Variants in RBFOX1 observed in about 807,000 individuals in gnomAD.
The protein encoded by RBFOX1 is RNA binding protein fox-1 homolog 1.
A neutral mutation model predicts 57.7 loss-of-function variants in RBFOX1; 8 were observed. The observed-to-expected ratio is 0.14, with a 90% CI of 0.08 to 0.25. The LOEUF is 0.25. RBFOX1 is among the 10% of genes least tolerant of loss of function. RBFOX1 has a pLI of 1.00. For missense variants in RBFOX1, 611 were observed against 548.5 expected (o/e 1.11, Z -1.14); for synonymous variants, 326 against 222.4 (o/e 1.47, Z -4.15).
At chr16:5,864,673 G>A (rs767924629) in intron 3 of RBFOX1, among the ~76,000 whole-genome samples, 1 of 151,864 alleles carries the variant, frequency 6.6e-6, no homozygotes, top group Non-Finnish European at 1.5e-5. Flanking sequence ...CTGTATGATA[G>A]TTTATAATAT....
chr16:6,056,583 G>A (rs2095617322), intron 1 of RBFOX1, among the ~76,000 whole-genome samples: 1 of 152,076 alleles, frequency 6.6e-6, no homozygotes, highest in African/African-American at 2.4e-5. Flanking sequence ...TTTCTCCTCT[G>A]CTTACTTCCT....
chr16:5,372,316 C>T (rs1430339251), intron 1 of RBFOX1, among the ~76,000 whole-genome samples: 3 of 152,132 alleles, frequency 2.0e-5, no homozygotes, highest in African/African-American at 7.2e-5. Context: ...CAGTGAAACC[C>T]TCTTCAATAC....
intron 4 of RBFOX1, among the ~76,000 whole-genome samples, chr16:7,211,981 C>T (rs1158953769): frequency 6.6e-6 from 1 of 152,160 alleles, no homozygotes; most frequent in African/African-American, 2.4e-5. Context: ...CCTTCTCACT[C>T]CCATCAAGCC....
intron 4 of RBFOX1, among the ~76,000 whole-genome samples, chr16:7,412,376 G>A (rs911925365): frequency 1.4e-5 from 2 of 147,644 alleles, no homozygotes; most frequent in Non-Finnish European, 3.0e-5. Context: ...GATCGCACCA[G>A]TGCACTCCAG....
At chr16:6,769,677 C>T (rs1046768662) in intron 3 of RBFOX1, among the ~76,000 whole-genome samples, 5 of 152,196 alleles carry the variant, frequency 3.3e-5, no homozygotes, top group African/African-American at 9.6e-5. Context: ...ATATCCCTCT[C>T]TGCTAATGTT....
chr16:5,660,162 G>A (rs1444589849), intron 3 of RBFOX1, among the ~76,000 whole-genome samples: 2 of 152,164 alleles, frequency 1.3e-5, no homozygotes, highest in Non-Finnish European at 2.9e-5. Context: ...GTTGACTGGG[G>A]GACCTGGAGT....
chr16:6,175,853 C>T (rs72774570), intron 1 of RBFOX1, among the ~76,000 whole-genome samples: 5,564 of 152,096 alleles, frequency 0.037, 147 homozygotes, highest in Admixed American at 0.079. Context: ...AGCAATTGTG[C>T]AGTAAGGAGA....
At chr16:7,195,462 G>A (rs559447888) in intron 4 of RBFOX1, among the ~76,000 whole-genome samples, 1 of 152,304 alleles carries the variant, frequency 6.6e-6, no homozygotes, top group South Asian at 2.1e-4. Context: ...TATTGGCAAG[G>A]CAAAACAGAA....
chr16:5,700,368 C>G (rs568177993), intron 3 of RBFOX1, among the ~76,000 whole-genome samples: 2 of 152,098 alleles, frequency 1.3e-5, no homozygotes, highest in East Asian at 3.9e-4. Flanking sequence ...TTTGTATTGC[C>G]TTCTCTCTGG....
In RBFOX1 at chr16:7,410,000, G is replaced by A. The variant is rs185161038; in HGVS notation, c.28-108147G>A. On this transcript the variant is annotated intron_variant, in intron 4 of 15. Transcript: ENST00000550418. Reference sequence around the variant, plus strand: ...AGGAAGAGGACCAGGGGACACAGCTGGATGGCTGCAATACCAGGGTCCCTT... The same window carrying A: ...AGGAAGAGGACCAGGGGACACAGCTAGATGGCTGCAATACCAGGGTCCCTT... 7.9e-5 allele frequency among the ~76,000 whole-genome samples: 12 copies of A among 152,290 alleles called. No individual in the cohort carries two copies. In the East Asian group the frequency reaches 1.7e-3, roughly 22 times the overall value.
chr16:7,692,685 TATC>T (rs1421109035), intron 14 of RBFOX1, among the ~76,000 whole-genome samples: 4 of 152,208 alleles, frequency 2.6e-5, no homozygotes, highest in African/African-American at 7.2e-5. Flanking sequence ...AAGAGAGTTT[TATC>T]ATCTTTCTGG....
intron 4 of RBFOX1, among the ~76,000 whole-genome samples, chr16:7,193,212 G>A (rs551470095): frequency 6.6e-6 from 1 of 152,330 alleles, no homozygotes; most frequent in South Asian, 2.1e-4. Flanking sequence ...AGAAGAGAGA[G>A]AGTATCAGAG....
At position 7,170,986 on chromosome 16, in the gene RBFOX1, T is replaced by A. The variant is rs2080578166; in HGVS notation, c.27+118888T>A. Among the ~76,000 whole-genome samples, 4 of 152,164 alleles carry A rather than the reference T, an allele frequency of 2.6e-5. No homozygotes were observed. In the South Asian group the frequency reaches 8.3e-4, roughly 31 times the overall value. On this transcript the variant is annotated intron_variant, in intron 4 of 15. Transcript: ENST00000550418. Reference sequence around the variant, plus strand: ...TTGCAGGTGATCCTAAAACACACACTCTCCCGTCTTGCTCCAGTCTGCTCA... The same window carrying A: ...TTGCAGGTGATCCTAAAACACACACACTCCCGTCTTGCTCCAGTCTGCTCA...
intron 4 of RBFOX1, among the ~76,000 whole-genome samples, chr16:7,514,310 A>C (rs2075861786): frequency 6.6e-6 from 1 of 152,110 alleles, no homozygotes; most frequent in African/African-American, 2.4e-5. Flanking sequence ...TCCTCTCTTC[A>C]TCCCCCTACC....
At chr16:7,214,667 C>T (rs1021103494) in intron 4 of RBFOX1, among the ~76,000 whole-genome samples, 1 of 152,038 alleles carries the variant, frequency 6.6e-6, no homozygotes, top group Non-Finnish European at 1.5e-5. Flanking sequence ...CTGCTCTGAG[C>T]CCTGCACATA....
chr16:6,563,876 GTATGTGTGTGTGTGTATATGTGCGTA>G (rs989510980), intron 2 of RBFOX1, among the ~76,000 whole-genome samples: 13 of 151,680 alleles, frequency 8.6e-5, no homozygotes, highest in South Asian at 2.1e-4. Context: ...GTATGTATAT[GTATGTGTGTGTGTGTATATGTGCGTA>G]TATGTGTGTG....
intron 3 of RBFOX1, among the ~76,000 whole-genome samples, chr16:5,733,645 A>C (rs750709259): frequency 6.6e-6 from 1 of 152,088 alleles, no homozygotes; most frequent in Non-Finnish European, 1.5e-5. Flanking sequence ...GTCCACTTGC[A>C]GAGAGCTTTC....
At chr16:6,592,280 A>G (rs1254917647) in intron 2 of RBFOX1, among the ~76,000 whole-genome samples, 2 of 152,232 alleles carry the variant, frequency 1.3e-5, no homozygotes, top group Non-Finnish European at 2.9e-5. Context: ...CATTGCATAC[A>G]TATTAATTCT....
At chr16:6,715,391 C>G (rs530380399) in intron 3 of RBFOX1, among the ~76,000 whole-genome samples, 131 of 152,140 alleles carry the variant, frequency 8.6e-4, no homozygotes, top group African/African-American at 2.8e-3. Context: ...CTTTATCTTG[C>G]TGCATTATAA....
Sources: gnomAD v4.1 joint callset for allele counts (sites outside exome capture counted in the v4.1 genomes callset) on GRCh38, gnomAD v4.1.1 for gene constraint, MANE v1.5 for transcripts, NCBI Gene and HGNC (gene_info 2026-07-23, HGNC 2026-07-21) for gene names.